CADM2: variants seen among roughly 807,000 people sequenced by gnomAD.
CADM2 encodes the protein immunoglobulin superfamily member 4D.
In CADM2, 12 loss-of-function variants were observed where a neutral mutation model predicts 49.8. The ratio of observed to expected loss-of-function variants is 0.24; its 90% CI spans 0.15 to 0.39. The LOEUF is 0.39. CADM2 is among the 10% of genes least tolerant of loss of function. The pLI is 1.00. For missense variants in CADM2, 378 were observed against 492.3 expected, an observed-to-expected ratio of 0.77 and a Z score of 2.20; for synonymous variants, 214 against 175.4, an observed-to-expected ratio of 1.22 and a Z score of -1.74.
intron 1 of CADM2, among the ~76,000 whole-genome samples, chr3:85,008,157 T>C (rs2033828606): frequency 6.6e-6 from 1 of 152,172 alleles, no homozygotes. Flanking sequence ...TCCAGTCTAC[T>C]TCTGTTAGTT....
intron 1 of CADM2, among the ~76,000 whole-genome samples, chr3:85,286,724 G>A (rs1388762942): frequency 6.6e-6 from 1 of 152,064 alleles, no homozygotes; most frequent in Non-Finnish European, 1.5e-5. Flanking sequence ...GATTATGCAA[G>A]CCAAATAAAT....
intron 1 of CADM2, among the ~76,000 whole-genome samples, chr3:85,702,233 C>G (rs978161623): frequency 6.6e-6 from 1 of 152,074 alleles, no homozygotes; most frequent in African/African-American, 2.4e-5. Context: ...AAGACCCTTA[C>G]CCCAAATCTC....
intron 1 of CADM2, among the ~76,000 whole-genome samples, chr3:85,317,477 G>C (rs559810548): frequency 5.3e-5 from 8 of 152,186 alleles, no homozygotes; most frequent in African/African-American, 1.9e-4. Flanking sequence ...ACCTGACACT[G>C]GATAATTTAT....
intron 1 of CADM2, among the ~76,000 whole-genome samples, chr3:85,492,818 T>C (rs1479816371): frequency 6.6e-6 from 1 of 152,120 alleles, no homozygotes; most frequent in East Asian, 1.9e-4. Flanking sequence ...GATTCCTAAA[T>C]GTTGCCAAAC....
chr3:86,014,506 A>G (rs969723560), intron 8 of CADM2: 12 of 1,551,512 alleles, frequency 7.7e-6, no homozygotes, highest in Non-Finnish European at 1.1e-5. Context: ...GGAAAATACC[A>G]CAGTGTTCAC....
chr3:85,982,873 A>G (rs1044691722), intron 8 of CADM2, among the ~76,000 whole-genome samples: 1 of 151,826 alleles, frequency 6.6e-6, no homozygotes, highest in African/African-American at 2.4e-5. Context: ...AACTTGCAGC[A>G]TTTCTTTTTG....
intron 1 of CADM2, among the ~76,000 whole-genome samples, chr3:85,094,378 G>A (rs2037715023): frequency 6.6e-6 from 1 of 152,030 alleles, no homozygotes; most frequent in Admixed American, 6.6e-5. Flanking sequence ...CCTTTCTGCT[G>A]ACCAACCATT....
At chr3:85,391,547 T>G (rs1476327390) in intron 1 of CADM2, among the ~76,000 whole-genome samples, 1 of 151,986 alleles carries the variant, frequency 6.6e-6, no homozygotes, top group Non-Finnish European at 1.5e-5. Context: ...AATTGCAAAC[T>G]TAAAAACAAC....
At chr3:85,639,828 A>G (rs2064651094) in intron 1 of CADM2, among the ~76,000 whole-genome samples, 1 of 152,152 alleles carries the variant, frequency 6.6e-6, no homozygotes, top group Non-Finnish European at 1.5e-5. Flanking sequence ...GTATCTTCAA[A>G]TAGGACATGA....
In CADM2 at chr3:86,063,431, TTTG is replaced by T. The variant is rs574864251; in HGVS notation, c.971-2168_971-2166del. ...ACAAGTCCCCTCTGTCTTGACAAGG[TTTG>T]TTGTTCCCTGAAGAACCTGGATTCT... On this transcript the variant is annotated intron_variant, in intron 8 of 9. Transcript: ENST00000383699. 2.1e-3 allele frequency among the ~76,000 whole-genome samples: 317 copies of T among 152,268 alleles called. 6 individuals carry two copies. The highest frequency in any genetic ancestry group is 0.017 in the Admixed American group (266 of 15,292).
intron 1 of CADM2, among the ~76,000 whole-genome samples, chr3:85,407,085 C>T (rs1442770949): frequency 6.6e-6 from 1 of 151,948 alleles, no homozygotes; most frequent in Non-Finnish European, 1.5e-5. Flanking sequence ...GTGTTTGATG[C>T]CAGCTACTGG....
In CADM2 at chr3:85,370,108, G is replaced by A. The variant is rs1439358325; in HGVS notation, c.62-356414G>A. On this transcript the variant is annotated intron_variant, in intron 1 of 9. Transcript: ENST00000383699. ...AGTGCCTGTAATCCCAACTACTCAGGAGGCTGAGGCAGGAGAATCGCTTGA... is the reference window on the plus strand; with the variant it reads ...AGTGCCTGTAATCCCAACTACTCAGAAGGCTGAGGCAGGAGAATCGCTTGA... Among the ~76,000 whole-genome samples the A allele has an allele frequency of 4.0e-5, 6 of 151,484 alleles. No individual in the cohort carries two copies. In the East Asian group the frequency reaches 1.2e-3, roughly 29 times the overall value.
At chr3:85,743,623 T>TA (rs922270628) in intron 2 of CADM2, among the ~76,000 whole-genome samples, 11 of 151,854 alleles carry the variant, frequency 7.2e-5, no homozygotes, top group Admixed American at 2.0e-4. Context: ...TTGATCCCAG[T>TA]AAAAAAAAGA....
chr3:85,220,870 G>A (rs1203598378), intron 1 of CADM2, among the ~76,000 whole-genome samples: 1 of 152,040 alleles, frequency 6.6e-6, no homozygotes, highest in African/African-American at 2.4e-5. Flanking sequence ...ACTCTAAACT[G>A]AGTCTATAAG....
intron 1 of CADM2, among the ~76,000 whole-genome samples, chr3:85,226,838 A>G (rs1174758366): frequency 6.6e-6 from 1 of 152,094 alleles, no homozygotes; most frequent in African/African-American, 2.4e-5. Context: ...CTTTGCTCTC[A>G]TTGGTTTCAA....
At chr3:86,041,949 G>A (rs555871528) in intron 8 of CADM2, among the ~76,000 whole-genome samples, 15 of 152,266 alleles carry the variant, frequency 9.9e-5, no homozygotes, top group African/African-American at 3.1e-4. Context: ...CAACTACGTG[G>A]AAGCTGAACA....
chr3:85,981,534 G>A (rs1011864574), intron 8 of CADM2, among the ~76,000 whole-genome samples: 1 of 151,568 alleles, frequency 6.6e-6, no homozygotes, highest in Non-Finnish European at 1.5e-5. Context: ...CTAGGTCCCA[G>A]TATCTATTGT....
chr3:85,877,227 C>T (rs1387353151), intron 3 of CADM2, among the ~76,000 whole-genome samples: 3 of 152,002 alleles, frequency 2.0e-5, no homozygotes, highest in Non-Finnish European at 4.4e-5. Context: ...GAATAACACC[C>T]TTTTCTTCTT....
chr3:85,932,957 G>A (rs542513562), intron 6 of CADM2, among the ~76,000 whole-genome samples: 6 of 152,204 alleles, frequency 3.9e-5, no homozygotes, highest in African/African-American at 1.4e-4. Flanking sequence ...CTGTGTGTCA[G>A]ATCTAAAGGG....
Sources: allele counts gnomAD v4.1 joint callset (sites outside exome capture counted in the v4.1 genomes callset), GRCh38; gene constraint gnomAD v4.1.1; transcripts MANE v1.5; gene names NCBI Gene and HGNC (gene_info 2026-07-23, HGNC 2026-07-21).